The following SYNE2 variants were observed in gnomAD, a reference collection of about 807,000 sequenced individuals.
SYNE2 encodes spectrin repeat containing nuclear envelope protein 2, also known as nesprin-2.
A neutral mutation model predicts 856.3 loss-of-function variants in SYNE2; 431 were observed. The ratio of observed to expected loss-of-function variants is 0.50; its 90% CI spans 0.47 to 0.55. The LOEUF (loss-of-function observed/expected upper bound fraction) is 0.55. SYNE2 is among the 20% of genes least tolerant of loss of function. The pLI is 0.00. For synonymous variants in SYNE2, 2,923 were observed against 2,872.3 expected (o/e 1.02, Z -0.56); for missense variants, 8,129 against 8,023.2 (o/e 1.01, Z -0.50).
At chr14:63,804,876 T>G (rs1888300246) in intron 1 of SYNE2, among the ~76,000 whole-genome samples, 1 of 152,166 alleles carries the variant, frequency 6.6e-6, no homozygotes, top group African/African-American at 2.4e-5. Flanking sequence ...CTTTGAATGG[T>G]TTTACATTTA....
Position 64,052,088 on chromosome 14 carries a change from T to C in SYNE2, c.8175T>C (p.Asn2725=). 1 of 1,614,056 alleles carries C rather than the reference T, an allele frequency of 6.2e-7. No homozygotes were observed. The change falls in exon 48 of 116, where the codon AAT becomes AAC. Residue 2725 remains asparagine, a synonymous_variant. Transcript: ENST00000555002. ...TLEPLHLEAE[N]QIKKCDIRNK... is the part of the protein sequence containing the mutation. ...AGCCATTACACTTAGAAGCAGAAAA[T>C]CAGATTAAGAAGTGTGACATAAGGA...
chr14:63,925,035 C>G (rs2095647001), intron 2 of SYNE2, among the ~76,000 whole-genome samples: 1 of 152,042 alleles, frequency 6.6e-6, no homozygotes, highest in Admixed American at 6.5e-5. Flanking sequence ...GGTGCAGTGG[C>G]TCATGCCCAT....
chr14:64,224,401 A>G, intron 113 of SYNE2, 60 bp from the exon 114 acceptor site: 1 of 1,261,196 alleles, frequency 7.9e-7, no homozygotes, highest in Non-Finnish European at 1.1e-6. Flanking sequence ...GGTGAGCTAT[A>G]TCATGAAGAA....
chr14:63,939,024 A>G (rs1277398591), intron 2 of SYNE2, among the ~76,000 whole-genome samples: 1 of 152,104 alleles, frequency 6.6e-6, no homozygotes, highest in African/African-American at 2.4e-5. Flanking sequence ...GCAAGGATAA[A>G]GGGTATAGTG....
chr14:64,139,040 G>A (rs2098120461), intron 79 of SYNE2, among the ~76,000 whole-genome samples: 1 of 151,798 alleles, frequency 6.6e-6, no homozygotes, highest in Non-Finnish European at 1.5e-5. Flanking sequence ...CTGGAGTGCA[G>A]TGGCGTGATC....
intron 1 of SYNE2, among the ~76,000 whole-genome samples, chr14:63,778,932 T>TTA (rs1887207781): frequency 4.5e-5 from 1 of 22,208 alleles, no homozygotes; most frequent in Non-Finnish European, 1.4e-4. Flanking sequence ...CCAAAGTAGC[T>TTA]CATGGCTATG....
intron 90 of SYNE2, 88 bp downstream of exon 90, chr14:64,165,498 T>A: frequency 7.1e-7 from 1 of 1,407,934 alleles, no homozygotes; most frequent in Non-Finnish European, 1.0e-6. Context: ...TATGGAATGC[T>A]TGCATCCTAA....
rs935034400 is a variant in SYNE2 at position 64,056,227 on chromosome 14, T to C, written c.10028T>C (p.Met3343Thr). ...LQELVSKNSA[M>T]KEAFKAQETE... ...GAACTAGTTTCTAAGAACTCAGCAA[T>C]GAAGGAAGCTTTCAAAGCACAGGAA... The change falls in exon 49 of 116, where the codon ATG becomes ACG. Residue 3343 changes from methionine to threonine, a missense_variant. Around this residue, in one of 3 missense-constraint regions of SYNE2, gnomAD observed 5,410 missense variants for 5,284.8 expected, o/e 1.02. Coordinates refer to ENST00000555002, the MANE Select transcript of SYNE2 (RefSeq NM_182914.3). The C allele has an allele frequency of 6.2e-6, 10 of 1,613,902 alleles. No homozygotes were observed. Among genetic ancestry groups the C allele is most frequent in the Non-Finnish European group, 8.5e-6 (10 of 1,179,974 alleles).
chr14:64,055,689 A>G (rs958232719), intron 48 of SYNE2, among the ~76,000 whole-genome samples: 4 of 152,086 alleles, frequency 2.6e-5, no homozygotes, highest in African/African-American at 2.4e-5. Context: ...TTTTAATACA[A>G]TGTTATTTGC....
At chr14:64,154,753 A>ACT (rs1004716128) in intron 85 of SYNE2, among the ~76,000 whole-genome samples, 27 of 150,002 alleles carry the variant, frequency 1.8e-4, no homozygotes, top group Admixed American at 9.4e-4. Flanking sequence ...AGACTATGCC[A>ACT]CTGCACTCCA....
intron 1 of SYNE2, among the ~76,000 whole-genome samples, chr14:63,763,818 C>T (rs1250713031): frequency 6.6e-6 from 1 of 152,138 alleles, no homozygotes; most frequent in Admixed American, 6.6e-5. Context: ...GAGCGCATGC[C>T]CTCATGCCCA....
At chr14:63,997,464 C>G in intron 25 of SYNE2, 73 bp downstream of exon 25, 1 of 1,177,954 alleles carries the variant, frequency 8.5e-7, no homozygotes, top group Non-Finnish European at 1.2e-6. Context: ...ATTCACTTCT[C>G]ATTAATTAGG....
Position 64,021,945 on chromosome 14 carries a change from T to C in SYNE2, c.5441T>C (p.Leu1814Ser). The C allele has an allele frequency of 6.2e-7, 1 of 1,613,916 alleles. No homozygotes were observed. The highest frequency in any genetic ancestry group is 8.5e-7 in the Non-Finnish European group (1 of 1,179,886). ...TGTCTGACTCCTGAACTCTCTGAAT[T>C]GAAAAAGCAATATGAAAGTGTCAGT... ...IGCLTPELSE[L>S]KKQYESVSDL... Residue 1814 changes from leucine to serine, a missense_variant, in exon 37 of 116, where the codon TTG (leucine) becomes TCG (serine). Physicochemically the swap from Leu to Ser is moderately radical, Grantham distance 145. Coordinates refer to ENST00000555002, the MANE Select transcript of SYNE2 (RefSeq NM_182914.3).
chr14:63,830,602 A>G (rs957972258), intron 1 of SYNE2, among the ~76,000 whole-genome samples: 1 of 151,958 alleles, frequency 6.6e-6, no homozygotes, highest in Admixed American at 6.6e-5. Context: ...TCAAGGCTGC[A>G]GTGAACCATG....
At chr14:64,150,903 AGTC>A (rs1401756190) in intron 84 of SYNE2, among the ~76,000 whole-genome samples, 4 of 152,178 alleles carry the variant, frequency 2.6e-5, no homozygotes, top group Non-Finnish European at 5.9e-5. Context: ...ATTTCAGAGA[AGTC>A]GTTTTGTTTC....
chr14:63,822,434 G>T (rs1000038374), intron 1 of SYNE2, among the ~76,000 whole-genome samples: 1 of 152,126 alleles, frequency 6.6e-6, no homozygotes, highest in Non-Finnish European at 1.5e-5. Context: ...GGCTCACTAT[G>T]TGTGACTAGC....
At chr14:63,841,832 C>CTTTCTT (rs1555343898) in intron 1 of SYNE2, among the ~76,000 whole-genome samples, 1 of 115,082 alleles carries the variant, frequency 8.7e-6, no homozygotes, top group Non-Finnish European at 1.7e-5. Flanking sequence ...TTCTTTCTTT[C>CTTTCTT]TTTTTTTTTT....
At chr14:63,874,163 C>A (rs113985690) in intron 1 of SYNE2, among the ~76,000 whole-genome samples, 1 of 152,110 alleles carries the variant, frequency 6.6e-6, no homozygotes, top group Non-Finnish European at 1.5e-5. Flanking sequence ...GCTTGCATTA[C>A]GTATCTATGA....
chr14:63,954,616 A>C (rs1054741680), intron 7 of SYNE2, 103 bp from the exon 8 acceptor site: 2 of 990,270 alleles, frequency 2.0e-6, no homozygotes, highest in African/African-American at 3.2e-5. Flanking sequence ...TGATGTATCT[A>C]ATTTACTTGA....
Sources: allele counts gnomAD v4.1 joint callset (sites outside exome capture counted in the v4.1 genomes callset), GRCh38; gene constraint gnomAD v4.1.1; regional missense constraint gnomAD v4.1.1; transcripts MANE v1.5; gene names NCBI Gene and HGNC (gene_info 2026-07-23, HGNC 2026-07-21).